AFF3: variants seen among roughly 807,000 people sequenced by gnomAD.
AFF3 encodes ALF transcription elongation factor 3, also known as AF4/FMR2 family member 3.
A neutral mutation model predicts 129.7 loss-of-function variants in AFF3; 32 were observed. That is an observed-to-expected ratio of 0.25 (90% CI 0.19 to 0.33). The LOEUF is 0.33. AFF3 is among the 10% of genes least tolerant of loss of function. The pLI is 1.00. For missense variants in AFF3, 1,373 were observed against 1,592.0 expected (o/e 0.86, Z 2.34); for synonymous variants, 644 against 635.4 (o/e 1.01, Z -0.20).
intron 1 of AFF3, among the ~76,000 whole-genome samples, chr2:100,131,925 C>T (rs1388202017): frequency 1.3e-5 from 2 of 152,206 alleles, no homozygotes; most frequent in South Asian, 2.1e-4. Context: ...CTCACCCTCA[C>T]TCAGCCAGGA....
chr2:99,933,878 C>T (rs983239921), intron 7 of AFF3, among the ~76,000 whole-genome samples: 6 of 152,130 alleles, frequency 3.9e-5, no homozygotes, highest in South Asian at 2.1e-4. Context: ...TAATGGTGTC[C>T]GGAGGTAGTT....
At chr2:99,890,646 A>G (rs1693479701) in intron 7 of AFF3, among the ~76,000 whole-genome samples, 2 of 152,106 alleles carry the variant, frequency 1.3e-5, no homozygotes. Context: ...CAGGCTGCAC[A>G]CTAACTACCC....
chr2:99,745,893 A>G (rs867775934), intron 9 of AFF3, among the ~76,000 whole-genome samples: 1 of 152,180 alleles, frequency 6.6e-6, no homozygotes. Context: ...CACATACCAT[A>G]TGTTCTTATA....
intron 7 of AFF3, among the ~76,000 whole-genome samples, chr2:99,847,833 C>T (rs891314187): frequency 6.6e-6 from 1 of 152,150 alleles, no homozygotes; most frequent in Non-Finnish European, 1.5e-5. Flanking sequence ...AGCTTCAGAA[C>T]TGCTTTCTAT....
intron 4 of AFF3, among the ~76,000 whole-genome samples, chr2:100,043,028 A>T (rs1446986251): frequency 1.4e-5 from 2 of 147,920 alleles, no homozygotes; most frequent in African/African-American, 4.9e-5. Flanking sequence ...ACCCAGAAGA[A>T]TTTTTTTTTT....
rs1450082323 is a variant in AFF3 at position 99,581,266 on chromosome 2, A to C, written c.2793+1532T>G. On this transcript the variant is annotated intron_variant, in intron 17 of 24. Coordinates refer to ENST00000672756, the MANE Select transcript of AFF3 (RefSeq NM_001386135.1). ...TCATGATATAAGGATATAGAGGGAA[A>C]TAAAAAAACTTGAGTTGGTGGCTTT... Among the ~76,000 whole-genome samples the C allele has an allele frequency of 2.0e-5, 3 of 152,228 alleles. No homozygotes were observed. In the East Asian group the frequency reaches 5.8e-4, roughly 29 times the overall value.
intron 4 of AFF3, among the ~76,000 whole-genome samples, chr2:100,086,905 G>A (rs1373357133): frequency 6.6e-6 from 1 of 152,236 alleles, no homozygotes; most frequent in African/African-American, 2.4e-5. Flanking sequence ...TTAGAGTTAG[G>A]CAAGACACAC....
chr2:99,713,471 G>C (rs1245806246), intron 11 of AFF3, among the ~76,000 whole-genome samples: 2 of 151,918 alleles, frequency 1.3e-5, no homozygotes, highest in African/African-American at 4.8e-5. Flanking sequence ...GTTTCACCCT[G>C]TTGGCCAGGT....
At chr2:99,730,148 C>T (rs1362921629) in intron 10 of AFF3, among the ~76,000 whole-genome samples, 1 of 152,070 alleles carries the variant, frequency 6.6e-6, no homozygotes, top group African/African-American at 2.4e-5. Flanking sequence ...TGTTCTGATG[C>T]CCTGTCACTA....
At chr2:100,142,331 G>T (rs920760552) in intron 1 of AFF3, among the ~76,000 whole-genome samples, 153 bp downstream of exon 1, 2 of 151,886 alleles carry the variant, frequency 1.3e-5, no homozygotes, top group Admixed American at 6.6e-5. Context: ...GGACCATCTC[G>T]GTGAGGCTGA....
At chr2:99,581,491 T>A (rs1358393642) in intron 17 of AFF3, among the ~76,000 whole-genome samples, 3 of 151,978 alleles carry the variant, frequency 2.0e-5, no homozygotes, top group Non-Finnish European at 4.4e-5. Flanking sequence ...CCCTCCCTCA[T>A]CTTTCTCATC....
chr2:99,596,612 G>A (rs866988090), intron 14 of AFF3, among the ~76,000 whole-genome samples: 1 of 141,768 alleles, frequency 7.1e-6, no homozygotes, highest in Middle Eastern at 3.6e-3. Flanking sequence ...CACTGGCCCC[G>A]CCACTGCGTT....
At chr2:99,900,601 A>G (rs1212043999) in intron 7 of AFF3, among the ~76,000 whole-genome samples, 1 of 152,164 alleles carries the variant, frequency 6.6e-6, no homozygotes, top group African/African-American at 2.4e-5. Flanking sequence ...TGAGGCAGCT[A>G]AAAGGGCTGT....
At chr2:99,795,537 T>C (rs1000633236) in intron 8 of AFF3, among the ~76,000 whole-genome samples, 1 of 152,120 alleles carries the variant, frequency 6.6e-6, no homozygotes, top group Non-Finnish European at 1.5e-5. Context: ...CTTGTAGTCC[T>C]TAAATTTATC....
intron 7 of AFF3, among the ~76,000 whole-genome samples, chr2:99,909,593 C>T (rs901772721): frequency 6.7e-6 from 1 of 150,178 alleles, no homozygotes; most frequent in African/African-American, 2.5e-5. Context: ...CACCCTAAAA[C>T]TTAAAGTATA....
At chr2:99,987,877 C>G (rs1680003425) in intron 7 of AFF3, among the ~76,000 whole-genome samples, 1 of 152,196 alleles carries the variant, frequency 6.6e-6, no homozygotes, top group African/African-American at 2.4e-5. Flanking sequence ...TTATAAAACA[C>G]TATGAACCTG....
intron 8 of AFF3, 37 bp from the exon 9 acceptor site, chr2:99,752,338 C>T: frequency 6.4e-7 from 1 of 1,551,040 alleles, no homozygotes. Flanking sequence ...TATTGTGATA[C>T]AGACAGTATT....
At chr2:99,634,877 G>C (rs1459807813) in intron 13 of AFF3, among the ~76,000 whole-genome samples, 1 of 151,688 alleles carries the variant, frequency 6.6e-6, no homozygotes, top group Non-Finnish European at 1.5e-5. Flanking sequence ...AGCCATCTGG[G>C]CAGGAGAACA....
intron 7 of AFF3, among the ~76,000 whole-genome samples, chr2:99,887,162 A>G (rs1419019103): frequency 2.0e-5 from 3 of 152,236 alleles, no homozygotes; most frequent in Non-Finnish European, 2.9e-5. Context: ...CCTCTCTGTC[A>G]TGTTCAATTT....
Sources: gnomAD v4.1 joint callset for allele counts (sites outside exome capture counted in the v4.1 genomes callset) on GRCh38, gnomAD v4.1.1 for gene constraint, MANE v1.5 for transcripts, NCBI Gene and HGNC (gene_info 2026-07-23, HGNC 2026-07-21) for gene names.